Variants in QTMAN observed in about 807,000 individuals in gnomAD.
QTMAN encodes the protein queuosine-tRNA mannosyltransferase.
At chr2:144,091,176 T>C in the QTMAN span, among the ~76,000 whole-genome samples, 1 of 151,986 alleles carries the variant, frequency 6.6e-6, no homozygotes, top group Non-Finnish European at 1.5e-5. Flanking sequence ...AAAAAAAAAT[T>C]TGGATTCATA....
chr2:144,050,519 C>T, the QTMAN span, among the ~76,000 whole-genome samples: 4 of 152,010 alleles, frequency 2.6e-5, no homozygotes, highest in African/African-American at 9.7e-5. Flanking sequence ...TTTTATGATA[C>T]AATGGATTAA....
chr2:144,300,034 A>T, the QTMAN span, among the ~76,000 whole-genome samples: 1 of 152,274 alleles, frequency 6.6e-6, no homozygotes, highest in African/African-American at 2.4e-5. Context: ...CAAATGCCGT[A>T]TGATTCAACT....
At chr2:144,171,759 T>C in the QTMAN span, among the ~76,000 whole-genome samples, 1 of 152,012 alleles carries the variant, frequency 6.6e-6, no homozygotes, top group East Asian at 1.9e-4. Context: ...ACCAAACTGA[T>C]CCAGGACTAA....
chr2:143,947,002 GTTCTT>G, the QTMAN span: 1 of 1,312,852 alleles, frequency 7.6e-7, no homozygotes, highest in Non-Finnish European at 1.1e-6. Flanking sequence ...ACTCTGGAAA[GTTCTT>G]CAGATTCTGC....
the QTMAN span, among the ~76,000 whole-genome samples, chr2:144,039,573 T>C: frequency 6.6e-6 from 1 of 152,190 alleles, no homozygotes; most frequent in East Asian, 1.9e-4. Context: ...TTTTGTTCAG[T>C]AATGGAAGAT....
At chr2:144,232,984 C>T in the QTMAN span, among the ~76,000 whole-genome samples, 1 of 152,220 alleles carries the variant, frequency 6.6e-6, no homozygotes, top group East Asian at 1.9e-4. Context: ...ATTTTAAATG[C>T]ACATCCTTTA....
chr2:144,075,869 T>C, the QTMAN span, among the ~76,000 whole-genome samples: 4 of 152,220 alleles, frequency 2.6e-5, no homozygotes, highest in South Asian at 8.3e-4. Context: ...TACTGGACAG[T>C]TGTGTCAGTC....
chr2:144,192,054 G>A, the QTMAN span, among the ~76,000 whole-genome samples: 1 of 151,976 alleles, frequency 6.6e-6, no homozygotes, highest in Non-Finnish European at 1.5e-5. Context: ...AAAAGATTTA[G>A]AAATATTTTG....
the QTMAN span, among the ~76,000 whole-genome samples, chr2:144,290,434 C>T: frequency 6.6e-6 from 1 of 152,216 alleles, no homozygotes; most frequent in African/African-American, 2.4e-5. Flanking sequence ...TTCCACAATC[C>T]TCCTTTCTGG....
At chr2:144,242,716 C>G in the QTMAN span, among the ~76,000 whole-genome samples, 12 of 152,144 alleles carry the variant, frequency 7.9e-5, no homozygotes, top group Non-Finnish European at 1.5e-4. Context: ...AATCCCAGCA[C>G]TTTGGGAGGC....
chr2:144,312,211 A>G, the QTMAN span, among the ~76,000 whole-genome samples: 1 of 149,314 alleles, frequency 6.7e-6, no homozygotes, highest in South Asian at 2.1e-4. Context: ...GAATAAAGAC[A>G]AGAGTCTCAC....
At chr2:143,967,699 T>G in the QTMAN span, among the ~76,000 whole-genome samples, 1 of 152,150 alleles carries the variant, frequency 6.6e-6, no homozygotes, top group African/African-American at 2.4e-5. Context: ...TAATCCTTTT[T>G]GTGGAAGCGC....
the QTMAN span, among the ~76,000 whole-genome samples, chr2:144,308,134 G>GAA: frequency 2.1e-5 from 3 of 145,296 alleles, no homozygotes; most frequent in Non-Finnish European, 4.5e-5. Context: ...CAGCACCCAG[G>GAA]AAAAAACCCA....
At chr2:143,990,872 G>A in the QTMAN span, among the ~76,000 whole-genome samples, 3 of 152,090 alleles carry the variant, frequency 2.0e-5, no homozygotes, top group African/African-American at 4.8e-5. Flanking sequence ...AGTGTTTAAA[G>A]AAATAAGAGA....
At chr2:144,137,854 T>C in the QTMAN span, among the ~76,000 whole-genome samples, 4 of 152,114 alleles carry the variant, frequency 2.6e-5, no homozygotes, top group Non-Finnish European at 2.9e-5. Context: ...GCAGGGTGGA[T>C]GCCACTGACC....
At chr2:144,062,683 AAC>A in the QTMAN span, among the ~76,000 whole-genome samples, 2 of 152,318 alleles carry the variant, frequency 1.3e-5, no homozygotes, top group African/African-American at 4.8e-5. Flanking sequence ...CTTTATTAAC[AAC>A]AGACTTTATT....
the QTMAN span, chr2:144,142,160 T>A: frequency 1.1e-5 from 8 of 698,822 alleles, no homozygotes; most frequent in South Asian, 1.9e-4. Flanking sequence ...TACTACACCT[T>A]AGGTTTGCAA....
At chr2:144,196,678 C>T in the QTMAN span, among the ~76,000 whole-genome samples, 3 of 152,146 alleles carry the variant, frequency 2.0e-5, no homozygotes, top group Non-Finnish European at 4.4e-5. Context: ...CCTTATTCAC[C>T]TTTATATCAT....
At chr2:143,974,011 ATC>A in the QTMAN span, among the ~76,000 whole-genome samples, 3 of 152,198 alleles carry the variant, frequency 2.0e-5, no homozygotes, top group Non-Finnish European at 4.4e-5. Flanking sequence ...TACTATGTGA[ATC>A]TGTCTTAAAT....
Sources: gnomAD v4.1 joint callset for allele counts (sites outside exome capture counted in the v4.1 genomes callset) on GRCh38, gnomAD v4.1.1 for gene constraint, MANE v1.5 for transcripts, NCBI Gene and HGNC (gene_info 2026-07-23, HGNC 2026-07-21) for gene names.